The following ZNF609 variants were observed in gnomAD, a reference collection of about 807,000 sequenced individuals.
The protein encoded by ZNF609 is zinc finger protein 609.
ZNF609 carries 11 observed loss-of-function variants against 109.5 expected under a neutral mutation model. That is an observed-to-expected ratio of 0.10 (90% confidence interval 0.06 to 0.17). The LOEUF (loss-of-function observed/expected upper bound fraction) is 0.17, where lower values mean the gene tolerates loss of function less well. ZNF609 is among the 10% of genes least tolerant of loss of function. The pLI, the probability that ZNF609 is intolerant of heterozygous loss-of-function variation, is 1.00. For synonymous variants in ZNF609, 646 were observed against 662.0 expected (o/e 0.98, Z 0.37); for missense variants, 1,559 against 1,772.4 (o/e 0.88, Z 2.16).
chr15:64,527,500 T>C (rs996021749), intron 2 of ZNF609, among the ~76,000 whole-genome samples: 1 of 152,106 alleles, frequency 6.6e-6, no homozygotes, highest in Admixed American at 6.6e-5. Context: ...ACTGTAGTTA[T>C]AGCAGTGACT....
chr15:64,585,323 G>A (rs1895178467), intron 2 of ZNF609, among the ~76,000 whole-genome samples: 1 of 149,146 alleles, frequency 6.7e-6, no homozygotes, highest in African/African-American at 2.5e-5. Flanking sequence ...AGACTCTGGG[G>A]AAAAAAAAAA....
At chr15:64,621,447 T>C (rs1250033477) in intron 2 of ZNF609, among the ~76,000 whole-genome samples, 1 of 152,008 alleles carries the variant, frequency 6.6e-6, no homozygotes, top group African/African-American at 2.4e-5. Flanking sequence ...CCTCCTGGGC[T>C]CAAGTGGTCC....
intron 1 of ZNF609, among the ~76,000 whole-genome samples, chr15:64,480,874 T>G (rs1200247542): frequency 6.6e-6 from 1 of 152,196 alleles, no homozygotes; most frequent in African/African-American, 2.4e-5. Context: ...ATACATAGAT[T>G]GATTAAATTC....
intron 3 of ZNF609, among the ~76,000 whole-genome samples, chr15:64,648,695 C>G (rs975140300): frequency 2.5e-5 from 3 of 121,530 alleles, no homozygotes; most frequent in Non-Finnish European, 4.8e-5. Context: ...TGTTAAAGCA[C>G]AATAAGTTGT....
chr15:64,507,424 G>C (rs1013677942), intron 2 of ZNF609, among the ~76,000 whole-genome samples: 3 of 151,996 alleles, frequency 2.0e-5, no homozygotes, highest in Non-Finnish European at 4.4e-5. Context: ...CCCTCTCTCT[G>C]TGGTTTTCAC....
intron 3 of ZNF609, among the ~76,000 whole-genome samples, chr15:64,641,215 C>CTTTCTTTTTTT (rs1567037016): frequency 1.1e-4 from 2 of 18,130 alleles, no homozygotes; most frequent in African/African-American, 3.1e-4. Flanking sequence ...TACACTTGTG[C>CTTTCTTTTTTT]TTTCTTTTTT....
intron 3 of ZNF609, among the ~76,000 whole-genome samples, chr15:64,638,577 T>C (rs2140988708): frequency 6.6e-6 from 1 of 152,148 alleles, no homozygotes; most frequent in East Asian, 1.9e-4. Context: ...AAGTCACTGA[T>C]ATCATTTAGG....
rs373103511 is a variant in ZNF609, at chr15:64,670,413, A to G, written c.1041A>G (p.Arg347=). The part of the protein sequence containing the change: ...TYVGTLLDCT[R]HDWAPPRFCD... ...TAGGTACACTCCTTGACTGCACACG[A>G]CATGATTGGGCACCCCCAAGGTAAG... is the stretch of plus-strand genomic sequence containing the variant. Residue 347 remains arginine, a synonymous_variant, in exon 4 of 10, where the codon CGA becomes CGG. Transcript: ENST00000326648. 9 of 1,614,056 alleles carry G rather than the reference A, an allele frequency of 5.6e-6. No individual in the cohort carries two copies. Among genetic ancestry groups the G allele is most frequent in the Non-Finnish European group, 6.8e-6 (8 of 1,180,008 alleles).
At chr15:64,511,168 T>C (rs1349897690) in intron 2 of ZNF609, among the ~76,000 whole-genome samples, 4 of 151,360 alleles carry the variant, frequency 2.6e-5, no homozygotes, top group Non-Finnish European at 4.4e-5. Context: ...GACAACAGAG[T>C]GTTGTAGAAA....
At position 64,675,124 on chromosome 15, in the gene ZNF609, A is replaced by G. The variant is rs192116996; in HGVS notation, c.2270A>G (p.Lys757Arg). 1.9e-6 allele frequency: 3 copies of G among 1,614,104 alleles called. No homozygotes were observed. The Admixed American group carries it at 5.0e-5, about 27-fold the overall frequency. The change falls in exon 5 of 10, where the codon AAA (lysine) becomes AGA (arginine). Residue 757 changes from lysine (K) to arginine (R), a missense_variant. Around this residue, in one of 4 missense-constraint regions of ZNF609, gnomAD observed 1,204 missense variants for 1,314.1 expected, o/e 0.92. Coordinates refer to ENST00000326648, the MANE Select transcript of ZNF609 (RefSeq NM_015042.2). ...PGKVCRAEEG[K>R]SPFRESSGDG... ...AAGGTGTGTCGAGCAGAGGAAGGCA[A>G]AAGCCCATTCAGGGAATCTTCAGGA...
chr15:64,575,383 C>T (rs1894934365), intron 2 of ZNF609, among the ~76,000 whole-genome samples: 1 of 151,082 alleles, frequency 6.6e-6, no homozygotes, highest in African/African-American at 2.4e-5. Context: ...TAGATCGCAC[C>T]ATTGCACTCC....
At chr15:64,459,899 T>G (rs1336967839), upstream of ZNF609, among the ~76,000 whole-genome samples, 1 of 151,970 alleles carries the variant, frequency 6.6e-6, no homozygotes, top group Non-Finnish European at 1.5e-5. Context: ...CTACAATCCT[T>G]AGAATGGTGG....
intron 3 of ZNF609, among the ~76,000 whole-genome samples, chr15:64,640,381 A>G (rs1184947654): frequency 1.3e-5 from 2 of 151,520 alleles, no homozygotes; most frequent in Non-Finnish European, 2.9e-5. Flanking sequence ...TCCTTGGGTA[A>G]ATACACTTGT....
intron 3 of ZNF609, among the ~76,000 whole-genome samples, chr15:64,637,196 C>T (rs541479862): frequency 9.3e-4 from 141 of 152,238 alleles, no homozygotes; most frequent in African/African-American, 3.2e-3. Context: ...AACATTGTGC[C>T]AGTGAGATTC....
At chr15:64,642,591 C>T (rs886500216) in intron 3 of ZNF609, among the ~76,000 whole-genome samples, 4 of 152,088 alleles carry the variant, frequency 2.6e-5, no homozygotes, top group Admixed American at 6.5e-5. Context: ...CCCAGGAGTT[C>T]GAGACCAGCC....
At chr15:64,532,610 C>T (rs189126651) in intron 2 of ZNF609, among the ~76,000 whole-genome samples, 4 of 152,308 alleles carry the variant, frequency 2.6e-5, no homozygotes, top group South Asian at 2.1e-4. Flanking sequence ...TGTCTGCTCA[C>T]GTTTTAAACA....
chr15:64,468,812 G>C (rs1339303148), intron 1 of ZNF609, among the ~76,000 whole-genome samples: 1 of 152,096 alleles, frequency 6.6e-6, no homozygotes, highest in Non-Finnish European at 1.5e-5. Flanking sequence ...TTAGCTGTTT[G>C]TCCTTGTGCA....
chr15:64,512,530 C>T (rs1041184343), intron 2 of ZNF609, among the ~76,000 whole-genome samples: 3 of 152,114 alleles, frequency 2.0e-5, no homozygotes, highest in South Asian at 4.1e-4. Context: ...TGTAGCAATA[C>T]AAAAAAGACC....
At chr15:64,662,743 A>C (rs1213617393) in intron 3 of ZNF609, among the ~76,000 whole-genome samples, 1 of 151,906 alleles carries the variant, frequency 6.6e-6, no homozygotes, top group African/African-American at 2.4e-5. Context: ...TCGGATCACC[A>C]CAACCTCTGC....
Sources: allele counts gnomAD v4.1 joint callset (sites outside exome capture counted in the v4.1 genomes callset), GRCh38; gene constraint gnomAD v4.1.1; regional missense constraint gnomAD v4.1.1; transcripts MANE v1.5; gene names NCBI Gene and HGNC (gene_info 2026-07-23, HGNC 2026-07-21).